The following RNGTT variants were observed in gnomAD, a reference collection of about 807,000 sequenced individuals.
The protein encoded by RNGTT is mRNA-capping enzyme.
A neutral mutation model predicts 79.3 loss-of-function variants in RNGTT; 33 were observed. The observed-to-expected ratio is 0.42, with a 90% CI of 0.32 to 0.56. RNGTT has a LOEUF of 0.56. Ranked by LOEUF, RNGTT falls within the 20% of genes least tolerant of loss-of-function variation. The pLI is 0.17. For missense variants in RNGTT, 497 were observed against 739.1 expected (o/e 0.67, Z 3.80); for synonymous variants, 222 against 235.9 (o/e 0.94, Z 0.54).
At chr6:88,961,725 G>GA (rs1355769075) in intron 1 of RNGTT, among the ~76,000 whole-genome samples, 1 of 152,196 alleles carries the variant, frequency 6.6e-6, no homozygotes, top group African/African-American at 2.4e-5. Context: ...TACCACTTTG[G>GA]AAAAGAGGTT....
chr6:88,812,277 C>T (rs1780163712), intron 11 of RNGTT, among the ~76,000 whole-genome samples: 1 of 152,074 alleles, frequency 6.6e-6, no homozygotes, highest in Non-Finnish European at 1.5e-5. Context: ...CTGGTGAATC[C>T]TATTTGACAA....
intron 1 of RNGTT, among the ~76,000 whole-genome samples, chr6:88,956,122 AAAG>A (rs1350885518): frequency 2.6e-5 from 4 of 152,012 alleles, no homozygotes; most frequent in African/African-American, 9.6e-5. Context: ...TTAACCAAGA[AAAG>A]AAGAAGATTC....
chr6:88,929,219 C>T lies in RNGTT; in HGVS notation c.223G>A (p.Asp75Asn). The change falls in exon 3 of 16, where the codon GAC (aspartate) becomes AAC (asparagine). Residue 75 changes from aspartate (D) to asparagine (N), a missense_variant. By Grantham distance (23) the Asp-to-Asn change is conservative. This residue lies in a region of RNGTT where 440 missense variants were observed against 671.5 expected (regional missense o/e 0.66). Transcript: ENST00000369485. Reference protein sequence around the residue: ...VDLTNTSRFYDRNDIEKEGIK... With the variant: ...VDLTNTSRFYNRNDIEKEGIK... ...CCTTCTTTTTCTATGTCATTTCGGT[C>T]ATAGAACCTTGAAGTATTTGTCAGG... 6.2e-7 allele frequency: 1 copy of T among 1,606,540 alleles called. No individual in the cohort carries two copies. The highest frequency in any genetic ancestry group is 1.3e-5 in the African/African-American group (1 of 74,218).
chr6:88,748,393 T>C (rs990671945), intron 13 of RNGTT, among the ~76,000 whole-genome samples: 1 of 152,086 alleles, frequency 6.6e-6, no homozygotes, highest in African/African-American at 2.4e-5. Flanking sequence ...ATTTCTTCCA[T>C]CTGGTGCTTC....
chr6:88,697,885 A>G (rs1775736805), intron 13 of RNGTT, among the ~76,000 whole-genome samples: 1 of 117,542 alleles, frequency 8.5e-6, no homozygotes, highest in Admixed American at 8.3e-5. Flanking sequence ...AAAAATATAT[A>G]TATGATATAT....
At chr6:88,644,065 T>C (rs1773432250) in intron 14 of RNGTT, among the ~76,000 whole-genome samples, 1 of 152,140 alleles carries the variant, frequency 6.6e-6, no homozygotes, top group Non-Finnish European at 1.5e-5. Context: ...ATCCAGGAGC[T>C]GGTTTTTTGA....
intron 13 of RNGTT, among the ~76,000 whole-genome samples, chr6:88,711,902 T>C (rs920764831): frequency 1.3e-5 from 2 of 152,174 alleles, no homozygotes; most frequent in African/African-American, 4.8e-5. Context: ...TTAGAAGTAA[T>C]TGAGAAATGA....
chr6:88,764,241 T>C (rs1778370487), intron 13 of RNGTT, among the ~76,000 whole-genome samples: 1 of 152,224 alleles, frequency 6.6e-6, no homozygotes, highest in Non-Finnish European at 1.5e-5. Flanking sequence ...AACAGACAAT[T>C]CTTCAACTAA....
intron 7 of RNGTT, among the ~76,000 whole-genome samples, chr6:88,891,412 G>A (rs1045218930): frequency 6.6e-6 from 1 of 152,066 alleles, no homozygotes; most frequent in African/African-American, 2.4e-5. Context: ...TTCAAGTCAT[G>A]GCATTCACTG....
rs544685233 is a variant in RNGTT, at chr6:88,698,224, T to G, written c.1440-19805A>C. ...TGATATATATGAAATATATATATCA[T>G]ATATATATGAAATATATATATGAAA... On this transcript the variant is annotated intron_variant, in intron 13 of 15. Coordinates refer to ENST00000369485, the MANE Select transcript of RNGTT (RefSeq NM_003800.5). 3.4e-4 allele frequency among the ~76,000 whole-genome samples: 26 copies of G among 77,550 alleles called. No individual in the cohort carries two copies. In the African/African-American group the frequency reaches 3.4e-3, roughly 10 times the overall value. The allele number at this position is 77,550 out of a possible 152,430, so 50.9% of individuals were successfully genotyped here.
intron 1 of RNGTT, among the ~76,000 whole-genome samples, chr6:88,959,480 T>C (rs1475575010): frequency 6.6e-6 from 1 of 152,204 alleles, no homozygotes; most frequent in East Asian, 1.9e-4. Flanking sequence ...CTCATGTGCA[T>C]AAGCCAGACA....
At chr6:88,757,029 T>C (rs1778041344) in intron 13 of RNGTT, among the ~76,000 whole-genome samples, 1 of 152,208 alleles carries the variant, frequency 6.6e-6, no homozygotes, top group Non-Finnish European at 1.5e-5. Flanking sequence ...ACATCCACTA[T>C]GCCACACTGC....
intron 1 of RNGTT, among the ~76,000 whole-genome samples, chr6:88,943,220 GATTTGATATCCA>G (rs1303529281): frequency 6.6e-6 from 1 of 152,150 alleles, no homozygotes; most frequent in Non-Finnish European, 1.5e-5. Flanking sequence ...AGATGTCTCA[GATTTGATATCCA>G]AATCTCAACT....
chr6:88,936,135 G>A (rs1299682805), intron 2 of RNGTT, among the ~76,000 whole-genome samples: 1 of 151,998 alleles, frequency 6.6e-6, no homozygotes, highest in Non-Finnish European at 1.5e-5. Flanking sequence ...TCTCACTTTG[G>A]GGTCCAGTCT....
At chr6:88,783,517 C>G (rs868489410) in intron 12 of RNGTT, among the ~76,000 whole-genome samples, 1 of 151,998 alleles carries the variant, frequency 6.6e-6, no homozygotes, top group African/African-American at 2.4e-5. Context: ...GCTGTATGCC[C>G]TAAATACATA....
chr6:88,624,703 T>C (rs1772564085), intron 14 of RNGTT, among the ~76,000 whole-genome samples: 3 of 151,870 alleles, frequency 2.0e-5, no homozygotes, highest in Non-Finnish European at 4.4e-5. Context: ...AAAAACATGA[T>C]TCATAAAATA....
intron 14 of RNGTT, among the ~76,000 whole-genome samples, chr6:88,672,228 CACAT>C (rs1774674435): frequency 1.3e-5 from 2 of 151,050 alleles, no homozygotes; most frequent in African/African-American, 2.4e-5. Flanking sequence ...TACACACACA[CACAT>C]ATATATACAC....
intron 11 of RNGTT, among the ~76,000 whole-genome samples, chr6:88,822,087 G>A (rs1780513592): frequency 6.6e-6 from 1 of 152,152 alleles, no homozygotes; most frequent in African/African-American, 2.4e-5. Flanking sequence ...TATACAGCCA[G>A]TTTTTCTCTA....
chr6:88,882,945 G>A (rs1011749813), intron 8 of RNGTT, among the ~76,000 whole-genome samples: 1 of 152,104 alleles, frequency 6.6e-6, no homozygotes, highest in African/African-American at 2.4e-5. Context: ...CCAATCTGAG[G>A]TATCCTGCTA....
Sources: allele counts gnomAD v4.1 joint callset (sites outside exome capture counted in the v4.1 genomes callset), GRCh38; gene constraint gnomAD v4.1.1; regional missense constraint gnomAD v4.1.1; transcripts MANE v1.5; gene names NCBI Gene and HGNC (gene_info 2026-07-23, HGNC 2026-07-21).